WWOX: variants seen among roughly 807,000 people sequenced by gnomAD.
WWOX encodes the protein WW domain-containing oxidoreductase.
In WWOX, 69 loss-of-function variants were observed where a neutral mutation model predicts 46.2. The observed-to-expected ratio is 1.49, with a 90% confidence interval of 1.23 to 1.82. The LOEUF (loss-of-function observed/expected upper bound fraction) is 1.82, where lower values mean the gene tolerates loss of function less well. Among genes scored for constraint, WWOX ranks in the 40% most tolerant of loss-of-function variants. WWOX has a pLI of 0.00. For missense variants in WWOX, 919 were observed against 542.6 expected (o/e 1.69, Z -6.89); for synonymous variants, 359 against 202.6 (o/e 1.77, Z -6.56).
chr16:78,609,660 G>A (rs1027200131), intron 8 of WWOX, among the ~76,000 whole-genome samples: 1 of 151,760 alleles, frequency 6.6e-6, no homozygotes, highest in South Asian at 2.1e-4. Flanking sequence ...AATGCAGCCT[G>A]TCTTTGGACA....
At chr16:78,681,049 G>C (rs548150347) in intron 8 of WWOX, among the ~76,000 whole-genome samples, 6 of 152,292 alleles carry the variant, frequency 3.9e-5, no homozygotes, top group Non-Finnish European at 7.4e-5. Flanking sequence ...GAGAGTTCGA[G>C]ACCACCCTGG....
intron 8 of WWOX, among the ~76,000 whole-genome samples, chr16:78,850,143 T>TGTGTGTGTGA (rs372954336): frequency 2.0e-5 from 3 of 152,010 alleles, no homozygotes; most frequent in African/African-American, 7.2e-5. Context: ...TACCAGTTTC[T>TGTGTGTGTGA]GTGTGTGTGA....
chr16:78,697,211 C>G (rs527381213), intron 8 of WWOX, among the ~76,000 whole-genome samples: 2 of 152,176 alleles, frequency 1.3e-5, no homozygotes, highest in Non-Finnish European at 2.9e-5. Flanking sequence ...AATGGTAGTT[C>G]TACTTTTAGT....
chr16:78,369,549 C>G (rs566213500), intron 5 of WWOX, among the ~76,000 whole-genome samples: 1 of 152,166 alleles, frequency 6.6e-6, no homozygotes, highest in Admixed American at 6.5e-5. Flanking sequence ...GCTGGCCACA[C>G]AAGTGCACCT....
intron 6 of WWOX, among the ~76,000 whole-genome samples, chr16:78,392,742 C>G (rs1040920377): frequency 1.3e-5 from 2 of 152,170 alleles, no homozygotes; most frequent in Non-Finnish European, 2.9e-5. Flanking sequence ...CGTAAGAATA[C>G]TTCAGAGGCA....
At chr16:78,678,064 G>C (rs796393170) in intron 8 of WWOX, among the ~76,000 whole-genome samples, 1 of 152,142 alleles carries the variant, frequency 6.6e-6, no homozygotes. Context: ...TCATTTCTCT[G>C]TTTAATCTGT....
At position 78,735,308 on chromosome 16, in the gene WWOX, C is replaced by G. The variant is rs184593370; in HGVS notation, c.1056+302556C>G. Among the ~76,000 whole-genome samples the G allele has an allele frequency of 7.5e-3, 1,108 of 148,626 alleles. 7 individuals are homozygous for G. Among genetic ancestry groups the G allele is most frequent in the Non-Finnish European group, 0.01 (679 of 66,450 alleles). ...CCTATAGCGGATCTTGAGACTTTTT[C>G]TTATTTTATCTATCTATCAATCCAT... On this transcript the variant is annotated intron_variant, in intron 8 of 8. Coordinates refer to ENST00000566780, the MANE Select transcript of WWOX (RefSeq NM_016373.4).
Position 78,594,431 on chromosome 16 carries a change from C to CTCCCCCT in WWOX, c.1056+161679_1056+161680insTCCCCCT, listed in dbSNP as rs1491020023. Among the ~76,000 whole-genome samples, 4 of 12,902 alleles carry CTCCCCCT rather than the reference C, an allele frequency of 3.1e-4. No individual in the cohort carries two copies. The East Asian group carries it at 0.013, about 41-fold the overall frequency. 8.5% of individuals were successfully genotyped at this position (12,902 alleles called of 152,430 possible). A position where few individuals can be genotyped will look rare whatever the true frequency, so the allele number is the denominator to read the frequency against. ...TTGACGAAGAAGACTGAGGAAAGGC[C>CTCCCCCT]CCCCCCCCCCCCCCGCCAAATTGTC... On this transcript the variant is annotated intron_variant, in intron 8 of 8. Coordinates refer to ENST00000566780, the MANE Select transcript of WWOX (RefSeq NM_016373.4).
intron 8 of WWOX, among the ~76,000 whole-genome samples, chr16:78,961,697 C>G (rs1280290980): frequency 6.6e-6 from 1 of 152,092 alleles, no homozygotes; most frequent in East Asian, 1.9e-4. Context: ...TTAAAATAAG[C>G]ATATTCTGGG....
intron 8 of WWOX, among the ~76,000 whole-genome samples, chr16:78,762,725 G>T (rs2049824610): frequency 6.6e-5 from 10 of 152,160 alleles, no homozygotes. Context: ...TGCACTGTCT[G>T]GTTTCAAGTC....
intron 8 of WWOX, among the ~76,000 whole-genome samples, chr16:78,716,902 A>T (rs1455947656): frequency 6.6e-6 from 1 of 152,094 alleles, no homozygotes. Flanking sequence ...CATGTTTATT[A>T]TCTTATTTTC....
chr16:78,862,653 G>A (rs1447136017), intron 8 of WWOX, among the ~76,000 whole-genome samples: 2 of 152,116 alleles, frequency 1.3e-5, no homozygotes, highest in African/African-American at 4.8e-5. Flanking sequence ...AAAGGCATCA[G>A]TTCCATTCCA....
At chr16:79,211,058 CA>C (rs1277018109) in intron 8 of WWOX, among the ~76,000 whole-genome samples, 1 of 33,792 alleles carries the variant, frequency 3.0e-5, no homozygotes, top group Non-Finnish European at 9.5e-5. Flanking sequence ...TGTGTGTGTG[CA>C]TTAAATGTTT....
intron 8 of WWOX, chr16:78,526,661 C>T (rs115033051): frequency 1.3e-5 from 2 of 152,338 alleles, no homozygotes; most frequent in South Asian, 2.1e-4. Flanking sequence ...AGCCCCAAAC[C>T]CTGTGGTCTT....
intron 8 of WWOX, among the ~76,000 whole-genome samples, chr16:78,991,989 G>A (rs1489575208): frequency 6.6e-6 from 1 of 152,092 alleles, no homozygotes; most frequent in Non-Finnish European, 1.5e-5. Flanking sequence ...AAACTCAGGG[G>A]GTTGGGAAAC....
chr16:78,977,529 A>C (rs532623237), intron 8 of WWOX, among the ~76,000 whole-genome samples: 1 of 152,094 alleles, frequency 6.6e-6, no homozygotes, highest in African/African-American at 2.4e-5. Flanking sequence ...CCCTCTCTGC[A>C]TGTGTCCTTG....
At chr16:78,589,096 C>G (rs567465608) in intron 8 of WWOX, among the ~76,000 whole-genome samples, 1 of 152,148 alleles carries the variant, frequency 6.6e-6, no homozygotes, top group Middle Eastern at 3.2e-3. Flanking sequence ...ACTTGTTTCT[C>G]CCTCAACCAA....
intron 1 of WWOX, among the ~76,000 whole-genome samples, chr16:78,101,140 C>G (rs2031750856): frequency 6.6e-6 from 1 of 151,424 alleles, no homozygotes; most frequent in African/African-American, 2.4e-5. Flanking sequence ...CTCCGCCTCC[C>G]GGGTTCACGC....
At chr16:79,145,620 C>T (rs2050170199) in intron 8 of WWOX, among the ~76,000 whole-genome samples, 1 of 152,064 alleles carries the variant, frequency 6.6e-6, no homozygotes, top group Non-Finnish European at 1.5e-5. Flanking sequence ...TTAACAAATA[C>T]AGTAAGACAA....
Sources: gnomAD v4.1 joint callset for allele counts (sites outside exome capture counted in the v4.1 genomes callset) on GRCh38, gnomAD v4.1.1 for gene constraint, MANE v1.5 for transcripts, NCBI Gene and HGNC (gene_info 2026-07-23, HGNC 2026-07-21) for gene names.